The following CEP57L1 variants were observed in gnomAD, a reference collection of about 807,000 sequenced individuals.
The protein encoded by CEP57L1 is centrosomal protein 57 like 1.
Under a neutral mutation model 61.0 loss-of-function variants are expected in CEP57L1, and 37 were observed. That is an observed-to-expected ratio of 0.61 (90% CI 0.47 to 0.80). The LOEUF is 0.80. CEP57L1 is among the 30% of genes least tolerant of loss of function. The pLI, the probability that CEP57L1 is intolerant of heterozygous loss-of-function variation, is 0.00. For synonymous variants in CEP57L1, 137 were observed against 162.3 expected (o/e 0.84, Z 1.19); for missense variants, 422 against 524.7 (o/e 0.80, Z 1.91).
intron 1 of CEP57L1, among the ~76,000 whole-genome samples, chr6:109,120,957 C>CACACACACACACACACACAG (rs1332576863): frequency 2.1e-5 from 3 of 141,072 alleles, no homozygotes; most frequent in African/African-American, 7.9e-5. Context: ...CACACACACA[C>CACACACACACACACACACAG]AGTCACTCAC....
chr6:109,168,552 G>T lies in CEP57L1; in HGVS notation c.*5582G>T, dbSNP rs1042054857. 6.6e-6 allele frequency among the ~76,000 whole-genome samples: 1 copy of T among 151,220 alleles called. No individual in the cohort carries two copies. Among genetic ancestry groups the T allele is most frequent in the East Asian group, 1.9e-4 (1 of 5,162 alleles). ...TTTTCATAGTACATACAGTCATACC[G>T]GTGGATTGTCAAATCAATTTAGCGG... On this transcript the variant is annotated 3_prime_UTR_variant, in exon 11 of 11. Transcript: ENST00000517392.
intron 1 of CEP57L1, among the ~76,000 whole-genome samples, chr6:109,121,992 CT>C (rs1395253552): frequency 1.3e-5 from 2 of 152,034 alleles, no homozygotes; most frequent in African/African-American, 4.8e-5. Flanking sequence ...ATTTCAGTGG[CT>C]TTAAGATGCA....
Position 109,162,889 on chromosome 6 carries a change from G to C in CEP57L1, c.1302G>C (p.Gln434His), listed in dbSNP as rs1432016881. The C allele has an allele frequency of 1.2e-6, 2 of 1,613,090 alleles. No individual in the cohort carries two copies. The highest frequency in any genetic ancestry group is 2.7e-5 in the African/African-American group (2 of 74,838). Residue 434 changes from glutamine (Q) to histidine (H), a missense_variant, in exon 11 of 11, where the codon CAG (glutamine) becomes CAC (histidine). Physicochemically the swap from Gln to His is conservative, Grantham distance 24. Coordinates refer to ENST00000517392, the MANE Select transcript of CEP57L1 (RefSeq NM_001271852.3). ...GTTTGACTGACACTAACCTTTTTCA[G>C]AAAAACAGCAGCTTTCATCCAATAC... is the stretch of plus-strand genomic sequence containing the variant. The part of the protein sequence containing the change: ...RKCLTDTNLF[Q>H]KNSSFHPIRV...
At chr6:109,155,926 T>G (rs1266807141) in intron 7 of CEP57L1, 49 bp downstream of exon 7, 1 of 833,752 alleles carries the variant, frequency 1.2e-6, no homozygotes, top group Admixed American at 2.3e-5. Context: ...TAATACTTAT[T>G]TATATAACCT....
intron 4 of CEP57L1, among the ~76,000 whole-genome samples, chr6:109,152,476 C>G (rs893485753): frequency 1.3e-5 from 2 of 152,138 alleles, no homozygotes; most frequent in Non-Finnish European, 2.9e-5. Context: ...AGCCACCACG[C>G]CCGGCCTAGA....
chr6:109,150,560 G>A (rs549165352), intron 4 of CEP57L1, among the ~76,000 whole-genome samples: 8 of 152,070 alleles, frequency 5.3e-5, no homozygotes, highest in African/African-American at 1.9e-4. Context: ...TACTCAGGAG[G>A]CTGAGGCAGG....
chr6:109,129,141 A>G (rs1773904866), intron 1 of CEP57L1, among the ~76,000 whole-genome samples: 1 of 152,204 alleles, frequency 6.6e-6, no homozygotes, highest in African/African-American at 2.4e-5. Context: ...CAGAGGTTGC[A>G]GTAAGCTGAG....
In CEP57L1 at chr6:109,147,605, G is replaced by A. The variant is rs187273610; in HGVS notation, c.340+668G>A. 4.8e-3 allele frequency among the ~76,000 whole-genome samples: 725 copies of A among 152,236 alleles called. 4 individuals are homozygous for A. The highest frequency in any genetic ancestry group is 0.012 in the South Asian group (59 of 4,818). ...AACAAATGGGGAGAAAAATATTTCT[G>A]AGGTAATTGGACAAAAGTAGAAGAA... On this transcript the variant is annotated intron_variant, in intron 3 of 10. Coordinates refer to ENST00000517392, the MANE Select transcript of CEP57L1 (RefSeq NM_001271852.3).
intron 1 of CEP57L1, among the ~76,000 whole-genome samples, chr6:109,133,923 G>A (rs1373640656): frequency 6.6e-6 from 1 of 152,112 alleles, no homozygotes; most frequent in African/African-American, 2.4e-5. Flanking sequence ...ATAATTAATA[G>A]CTTACCAACC....
chr6:109,153,816 AT>A lies in CEP57L1; in HGVS notation c.463-12del. On this transcript the variant is annotated splice_polypyrimidine_tract_variant and intron_variant, in intron 4 of 10. Transcript: ENST00000517392. ...TTGCCAAATTCAGGGTTGCTATTTT[AT>A]TTTTATCCTTTCTAGGCCCAGCTTC... 1 of 1,533,336 alleles carries A rather than the reference AT, an allele frequency of 6.5e-7. No homozygotes were observed. The highest frequency in any genetic ancestry group is 9.0e-7 in the Non-Finnish European group (1 of 1,112,558). The allele number at this position is 1,533,336 out of a possible 1,614,324, so 95.0% of individuals were successfully genotyped here.
At position 109,160,873 on chromosome 6, in the gene CEP57L1, G is replaced by C. The variant is rs560642136; in HGVS notation, c.1161+157G>C. On this transcript the variant is annotated intron_variant, in intron 10 of 10. Coordinates refer to ENST00000517392, the MANE Select transcript of CEP57L1 (RefSeq NM_001271852.3). The stretch of plus-strand genomic sequence containing the variant: ...GGCCTATGACAGAATAGAGCCATCT[G>C]TCCCATTGGAATAACATGGACCTCC... 9 of 595,936 alleles carry C rather than the reference G, an allele frequency of 1.5e-5. No individual in the cohort carries two copies. In the African/African-American group the frequency reaches 1.8e-4, roughly 12 times the overall value. The allele number at this position is 595,936 out of a possible 1,614,324, so 36.9% of individuals were successfully genotyped here. A position where few individuals can be genotyped will look rare whatever the true frequency, so the allele number is the denominator to read the frequency against.
chr6:109,121,705 T>C (rs907314412), intron 1 of CEP57L1, among the ~76,000 whole-genome samples: 15 of 152,202 alleles, frequency 9.9e-5, no homozygotes, highest in Non-Finnish European at 1.9e-4. Context: ...ACATAGACTC[T>C]AGGGTACAGG....
rs766950884 is a variant in CEP57L1, at chr6:109,159,510, T to C, written c.1016+48T>C. On this transcript the variant is annotated intron_variant, in intron 9 of 10. Transcript: ENST00000517392. ...TTTTTCAAGAGACAGTGTCTCGCTA[T>C]GTTGCCCAGGCTAGTCTTGAACTCC... 5 of 1,555,504 alleles carry C rather than the reference T, an allele frequency of 3.2e-6. No homozygotes were observed. The East Asian group carries it at 1.1e-4, about 35-fold the overall frequency.
At chr6:109,113,019 C>T (rs188819513) in intron 1 of CEP57L1, among the ~76,000 whole-genome samples, 3 of 152,080 alleles carry the variant, frequency 2.0e-5, no homozygotes, top group Non-Finnish European at 4.4e-5. Context: ...GTAGATGTCT[C>T]TTAGGTCCGC....
intron 1 of CEP57L1, among the ~76,000 whole-genome samples, chr6:109,134,315 G>A (rs879431573): frequency 3.3e-5 from 5 of 151,996 alleles, no homozygotes; most frequent in African/African-American, 4.8e-5. Flanking sequence ...CAAAAACCAC[G>A]TGGTTATCTC....
intron 1 of CEP57L1, among the ~76,000 whole-genome samples, chr6:109,136,561 T>TA (rs373000667): frequency 0.82 from 113,786 of 138,068 alleles, 46,617 homozygotes; most frequent in East Asian, 0.91. Flanking sequence ...ACTATAAGTA[T>TA]AAAAAAAAAA....
At chr6:109,143,377 C>T (rs924907039) in intron 1 of CEP57L1, among the ~76,000 whole-genome samples, 1 of 152,090 alleles carries the variant, frequency 6.6e-6, no homozygotes, top group Non-Finnish European at 1.5e-5. Flanking sequence ...AATAAGCTTC[C>T]AGTAGGCTTA....
intron 1 of CEP57L1, among the ~76,000 whole-genome samples, chr6:109,100,438 G>A (rs1050711662): frequency 6.6e-6 from 1 of 152,130 alleles, no homozygotes; most frequent in African/African-American, 2.4e-5. Flanking sequence ...ACTTTGGGAG[G>A]CTGAGGTGGG....
In CEP57L1 at chr6:109,164,669, A is replaced by G. The variant is rs1773974383; in HGVS notation, c.*1699A>G. 6.6e-6 allele frequency among the ~76,000 whole-genome samples: 1 copy of G among 152,178 alleles called. No individual in the cohort carries two copies. The highest frequency in any genetic ancestry group is 1.5e-5 in the Non-Finnish European group (1 of 68,020). On this transcript the variant is annotated 3_prime_UTR_variant, in exon 11 of 11. Coordinates refer to ENST00000517392, the MANE Select transcript of CEP57L1 (RefSeq NM_001271852.3). ...CTTTCTGCTATCCACCAGGACCATA[A>G]TGCAGACCTATAGTTCTGTGCCTTT...
Sources: gnomAD v4.1 joint callset for allele counts (sites outside exome capture counted in the v4.1 genomes callset) on GRCh38, gnomAD v4.1.1 for gene constraint, MANE v1.5 for transcripts, NCBI Gene and HGNC (gene_info 2026-07-23, HGNC 2026-07-21) for gene names.